Variants in GLT1D1 observed in about 807,000 individuals in gnomAD.
The protein encoded by GLT1D1 is glycosyltransferase 1 domain containing 1, also known as glycosyltransferase 1 domain-containing protein 1.
Under a neutral mutation model 28.7 loss-of-function variants are expected in GLT1D1, and 21 were observed. The ratio of observed to expected loss-of-function variants is 0.73; its 90% CI spans 0.52 to 1.05. The LOEUF (loss-of-function observed/expected upper bound fraction) is 1.05. Among genes scored for constraint, GLT1D1 ranks in the 50% least tolerant of loss-of-function variants. The pLI is 0.00. For missense variants in GLT1D1, 343 were observed against 330.6 expected, an observed-to-expected ratio of 1.04 and a Z score of -0.29; for synonymous variants, 147 against 124.8, an observed-to-expected ratio of 1.18 and a Z score of -1.19.
intron 4 of GLT1D1, chr12:128,944,348 T>C (rs1313550240): frequency 2.8e-5 from 23 of 807,552 alleles, no homozygotes; most frequent in Non-Finnish European, 4.9e-5. Flanking sequence ...CAAATCTTGT[T>C]GGTTTCTGTT....
intron 3 of GLT1D1, among the ~76,000 whole-genome samples, chr12:128,897,076 T>C (rs557871269): frequency 1.3e-3 from 203 of 152,348 alleles, no homozygotes; most frequent in Non-Finnish European, 2.4e-3. Flanking sequence ...TTGGGCATTT[T>C]TATTTTTAAA....
Position 128,874,122 on chromosome 12 carries a change from CTCTCTT to C in GLT1D1, c.69-1788_69-1783del, listed in dbSNP as rs1193438512. 2.8e-3 allele frequency among the ~76,000 whole-genome samples: 166 copies of C among 58,862 alleles called. 3 individuals carry two copies. Among genetic ancestry groups the C allele is most frequent in the African/African-American group, 4.8e-3 (72 of 14,880 alleles). 38.6% of individuals were successfully genotyped at this position (58,862 alleles called of 152,430 possible). Reference sequence around the variant, plus strand: ...TTTCTCTCTCTCTCTCTCTCTCTCTCTCTCTTTCTTTCTTTCTTTCTTTCTTTCTTT... The same window carrying C: ...TTTCTCTCTCTCTCTCTCTCTCTCTCTCTTTCTTTCTTTCTTTCTTTCTTT... On this transcript the variant is annotated intron_variant, in intron 1 of 7. Transcript: ENST00000281703.
At chr12:128,909,493 C>A (rs896148726) in intron 4 of GLT1D1, among the ~76,000 whole-genome samples, 1 of 152,032 alleles carries the variant, frequency 6.6e-6, no homozygotes, top group Non-Finnish European at 1.5e-5. Flanking sequence ...AGTTTGTAAT[C>A]GTTTTACAAG....
At chr12:128,973,179 GTTTTTTTTTTTTT>G in intron 7 of GLT1D1, among the ~76,000 whole-genome samples, 1 of 50,958 alleles carries the variant, frequency 2.0e-5, no homozygotes, top group East Asian at 5.8e-4. Flanking sequence ...TGTTTGCTTG[GTTTTTTTTTTTTT>G]TTTTTTTTTT....
At chr12:128,863,770 C>T (rs1003093278) in intron 1 of GLT1D1, among the ~76,000 whole-genome samples, 4 of 151,668 alleles carry the variant, frequency 2.6e-5, no homozygotes, top group Middle Eastern at 6.8e-3. Context: ...GCAGTGAAAC[C>T]CCGTCTCTAC....
chr12:128,945,772 G>T (rs495693), intron 5 of GLT1D1, among the ~76,000 whole-genome samples: 132,244 of 152,194 alleles, frequency 0.87, 57,501 homozygotes, highest in Middle Eastern at 0.91. Context: ...ACATCAACAA[G>T]TCTGAGGGTG....
At chr12:128,866,867 C>T (rs1411440369) in intron 1 of GLT1D1, among the ~76,000 whole-genome samples, 13 of 151,746 alleles carry the variant, frequency 8.6e-5, no homozygotes, top group African/African-American at 3.1e-4. Flanking sequence ...GTCATCCACC[C>T]AATTCGGCCT....
intron 3 of GLT1D1, among the ~76,000 whole-genome samples, chr12:128,895,837 C>G (rs969997295): frequency 2.6e-5 from 4 of 152,138 alleles, no homozygotes; most frequent in Admixed American, 1.3e-4. Context: ...AGCCCAAGAA[C>G]TGAGTCTTGG....
In GLT1D1 at chr12:128,893,456, A is replaced by AT. The variant is rs528309381; in HGVS notation, c.323+4720dup. Among the ~76,000 whole-genome samples, 875 of 152,070 alleles carry AT rather than the reference A, an allele frequency of 5.8e-3. 8 individuals are homozygous for AT. Among genetic ancestry groups the AT allele is most frequent in the African/African-American group, 0.018 (739 of 41,480 alleles). ...AAGCTATAGATATTTAAGCCCAAAG[A>AT]TTTTTTTTACAAAAAAAATCACATG... On this transcript the variant is annotated intron_variant, in intron 3 of 7. Coordinates refer to ENST00000281703, the MANE Select transcript of GLT1D1 (RefSeq NM_144669.3).
intron 1 of GLT1D1, among the ~76,000 whole-genome samples, chr12:128,874,128 T>TCTCTC (rs1566091531): frequency 1.3e-4 from 6 of 46,562 alleles, no homozygotes; most frequent in African/African-American, 3.7e-4. Flanking sequence ...CTCTCTCTCT[T>TCTCTC]TCTTTCTTTC....
At chr12:128,885,002 G>T (rs1472867969) in intron 2 of GLT1D1, among the ~76,000 whole-genome samples, 1 of 149,450 alleles carries the variant, frequency 6.7e-6, no homozygotes, top group African/African-American at 2.5e-5. Context: ...CAATCCTCCT[G>T]CCTTGGCCTC....
chr12:128,950,441 C>T (rs1309122820), intron 6 of GLT1D1, among the ~76,000 whole-genome samples: 4 of 152,148 alleles, frequency 2.6e-5, no homozygotes, highest in Admixed American at 6.5e-5. Flanking sequence ...CCAACTCCAT[C>T]GCCACATGAC....
chr12:128,890,011 C>G (rs535260357), intron 3 of GLT1D1, among the ~76,000 whole-genome samples: 2 of 152,088 alleles, frequency 1.3e-5, no homozygotes, highest in Non-Finnish European at 2.9e-5. Context: ...TGGCCTCAAG[C>G]GATCCACCTG....
chr12:128,901,529 C>T (rs182549686), intron 4 of GLT1D1, among the ~76,000 whole-genome samples: 36 of 151,808 alleles, frequency 2.4e-4, no homozygotes, highest in Middle Eastern at 3.4e-3. Context: ...CTCTGCCTCC[C>T]GGTTTCAAGC....
intron 4 of GLT1D1, among the ~76,000 whole-genome samples, chr12:128,911,090 C>T (rs1005027247): frequency 7.2e-5 from 11 of 152,160 alleles, no homozygotes; most frequent in Non-Finnish European, 1.3e-4. Flanking sequence ...CCGCCACACC[C>T]GGCTAATTTT....
chr12:128,924,713 T>A (rs934048769), intron 4 of GLT1D1, among the ~76,000 whole-genome samples: 2 of 152,198 alleles, frequency 1.3e-5, no homozygotes, highest in South Asian at 4.1e-4. Flanking sequence ...TGAGCCACCA[T>A]GCCCAGCCAA....
At chr12:128,947,210 A>G in intron 5 of GLT1D1, 128 bp from the exon 10 acceptor site, 1 of 1,028,748 alleles carries the variant, frequency 9.7e-7, no homozygotes, top group Non-Finnish European at 1.5e-6. Flanking sequence ...CTCCTGGCTG[A>G]ACGCTTGGTC....
intron 4 of GLT1D1, among the ~76,000 whole-genome samples, chr12:128,902,486 CAAA>C (rs34061462): frequency 1.5e-5 from 2 of 131,388 alleles, no homozygotes. Context: ...AATTCTGTCT[CAAA>C]AAAAAAAAAA....
chr12:128,920,725 A>G (rs1872585460), intron 4 of GLT1D1, among the ~76,000 whole-genome samples: 1 of 152,210 alleles, frequency 6.6e-6, no homozygotes, highest in Non-Finnish European at 1.5e-5. Context: ...AATATGCCAG[A>G]TCGTGAAAAC....
Sources: gnomAD v4.1 joint callset for allele counts (sites outside exome capture counted in the v4.1 genomes callset) on GRCh38, gnomAD v4.1.1 for gene constraint, MANE v1.5 for transcripts, NCBI Gene and HGNC (gene_info 2026-07-23, HGNC 2026-07-21) for gene names.